ATXN10: variants seen among roughly 807,000 people sequenced by gnomAD.
ATXN10 encodes the protein ataxin 10.
Under a neutral mutation model 52.9 loss-of-function variants are expected in ATXN10, and 28 were observed. The ratio of observed to expected loss-of-function variants is 0.53; its 90% CI spans 0.39 to 0.73. The LOEUF (loss-of-function observed/expected upper bound fraction) is 0.73, where lower values mean the gene tolerates loss of function less well. Ranked by LOEUF, ATXN10 falls within the 30% of genes least tolerant of loss-of-function variation. The probability of loss-of-function intolerance (pLI) is 0.00; values close to 1 mark genes in which losing one functional copy is unlikely to be tolerated. For synonymous variants in ATXN10, 226 were observed against 221.5 expected (o/e 1.02, Z -0.18); for missense variants, 565 against 577.0 (o/e 0.98, Z 0.21).
At position 45,690,973 on chromosome 22, in the gene ATXN10, A is replaced by G. The variant is rs1388501391; in HGVS notation, c.308+1070A>G. ...GTAAGCTTGGGCTGGTCCAGAAGCC[A>G]CTTGAGGGACTCCCTTCGGTTAGAC... On this transcript the variant is annotated intron_variant, in intron 2 of 11. Transcript: ENST00000252934. The surrounding 1 kb of genome is among the most constrained non-coding windows in gnomAD (Gnocchi z 4.5). 6.6e-6 allele frequency among the ~76,000 whole-genome samples: 1 copy of G among 152,158 alleles called. No individual in the cohort carries two copies. The highest frequency in any genetic ancestry group is 2.1e-4 in the South Asian group (1 of 4,824).
chr22:45,800,720 A>G (rs1420337460), intron 9 of ATXN10, among the ~76,000 whole-genome samples: 1 of 152,254 alleles, frequency 6.6e-6, no homozygotes, highest in African/African-American at 2.4e-5. Flanking sequence ...TGGATAAATA[A>G]ATGGTAGTAT....
In ATXN10 at chr22:45,843,681, A is replaced by G; in HGVS notation, c.*10A>G. The G allele has an allele frequency of 1.2e-6, 2 of 1,611,666 alleles. No homozygotes were observed. Among genetic ancestry groups the G allele is most frequent in the South Asian group, 2.2e-5 (2 of 90,806 alleles). ...TCTTCTTCTTTAGTGAATGAACTACATCCAAATACCTGAATTTTTGGAATC... is the reference window on the plus strand; with the variant it reads ...TCTTCTTCTTTAGTGAATGAACTACGTCCAAATACCTGAATTTTTGGAATC... On this transcript the variant is annotated 3_prime_UTR_variant, in exon 12 of 12. Transcript: ENST00000252934. The surrounding 1 kb of genome is among the most constrained non-coding windows in gnomAD (Gnocchi z 4.5).
chr22:45,700,478 T>A, intron 4 of ATXN10, 100 bp downstream of exon 4: 1 of 931,172 alleles, frequency 1.1e-6, no homozygotes, highest in South Asian at 1.4e-5. Context: ...TAACCCACTG[T>A]AATAGAGTTC....
At chr22:45,726,237 G>A (rs999237158) in intron 6 of ATXN10, among the ~76,000 whole-genome samples, 1 of 152,090 alleles carries the variant, frequency 6.6e-6, no homozygotes, top group African/African-American at 2.4e-5. Flanking sequence ...CAGTATGATT[G>A]GTGCCAATTC....
intron 9 of ATXN10, among the ~76,000 whole-genome samples, chr22:45,785,842 GTCC>G (rs940455699): frequency 1.3e-5 from 2 of 152,224 alleles, no homozygotes; most frequent in Admixed American, 1.3e-4. Flanking sequence ...TCTGAGCCAC[GTCC>G]TCCTGGACCA....
chr22:45,779,030 G>C (rs1044309238), intron 9 of ATXN10, among the ~76,000 whole-genome samples: 4 of 152,098 alleles, frequency 2.6e-5, no homozygotes, highest in African/African-American at 9.7e-5. Flanking sequence ...GTAAAGTAAG[G>C]AGACTGGACT....
rs1162893278 is a variant in ATXN10, at chr22:45,718,986, T to G, written c.728+493T>G. On this transcript the variant is annotated intron_variant, in intron 6 of 11. Transcript: ENST00000252934. The surrounding 1 kb of genome is among the most constrained non-coding windows in gnomAD (Gnocchi z 4.4). The stretch of plus-strand genomic sequence containing the variant: ...CCTAGGAGTTCTAAGACACTGGCCC[T>G]GTGCTTTGCTGTGATTATAGTTCTT... 6.6e-5 allele frequency among the ~76,000 whole-genome samples: 10 copies of G among 152,004 alleles called. No homozygotes were observed. The highest frequency in any genetic ancestry group is 1.5e-4 in the Non-Finnish European group (10 of 67,978).
intron 9 of ATXN10, among the ~76,000 whole-genome samples, chr22:45,803,156 C>T (rs1927983669): frequency 6.6e-6 from 1 of 152,200 alleles, no homozygotes; most frequent in Admixed American, 6.5e-5. Flanking sequence ...CTATCATCCC[C>T]ATTTTACAGA....
rs1352487977 is a variant in ATXN10 at position 45,769,963 on chromosome 22, A to G, written c.1173+29425A>G. Among the ~76,000 whole-genome samples the G allele has an allele frequency of 1.3e-5, 2 of 152,242 alleles. No individual in the cohort carries two copies. Among genetic ancestry groups the G allele is most frequent in the African/African-American group, 4.8e-5 (2 of 41,458 alleles). On this transcript the variant is annotated intron_variant, in intron 9 of 11. Transcript: ENST00000252934. The surrounding 1 kb of genome is among the most constrained non-coding windows in gnomAD (Gnocchi z 4.2). Reference sequence around the variant, plus strand: ...TTTGTCACTCTATAAATACAGTTCTAAATAAAGGTTCTCAGATGCAGTTTC... The same window carrying G: ...TTTGTCACTCTATAAATACAGTTCTGAATAAAGGTTCTCAGATGCAGTTTC...
At position 45,818,103 on chromosome 22, in the gene ATXN10, T is replaced by TA. The variant is rs1247521126; in HGVS notation, c.1237+11084dup. On this transcript the variant is annotated intron_variant, in intron 10 of 11. Coordinates refer to ENST00000252934, the MANE Select transcript of ATXN10 (RefSeq NM_013236.4). The surrounding 1 kb of genome is among the most constrained non-coding windows in gnomAD (Gnocchi z 4.6). ...CTGTTTTAAAATGAGACTGTACAAG[T>TA]AAATATTCCAAGTTGTGCTCCTTCA... Among the ~76,000 whole-genome samples the TA allele has an allele frequency of 6.6e-6, 1 of 152,216 alleles. No individual in the cohort carries two copies. The highest frequency in any genetic ancestry group is 1.5e-5 in the Non-Finnish European group (1 of 68,032).
intron 10 of ATXN10, among the ~76,000 whole-genome samples, chr22:45,836,110 G>C (rs1268903934): frequency 6.6e-6 from 1 of 152,136 alleles, no homozygotes; most frequent in Non-Finnish European, 1.5e-5. Context: ...GGTTTGTGGT[G>C]GGTATTGAAC....
rs1926882772 is a variant in ATXN10 at position 45,774,459 on chromosome 22, A to G, written c.1174-32500A>G. On this transcript the variant is annotated intron_variant, in intron 9 of 11. Coordinates refer to ENST00000252934, the MANE Select transcript of ATXN10 (RefSeq NM_013236.4). This position sits in a 1 kb window ranked among gnomAD's most constrained non-coding sequence, Gnocchi z 6.2. ...GAAATGAAGTCTGCCTTACAGGCAG[A>G]GGGGAACTACTACTTTGATGTAAGA... 6.6e-6 allele frequency among the ~76,000 whole-genome samples: 1 copy of G among 152,228 alleles called. No homozygotes were observed. Among genetic ancestry groups the G allele is most frequent in the Non-Finnish European group, 1.5e-5 (1 of 68,038 alleles).
chr22:45,789,870 C>T lies in ATXN10; in HGVS notation c.1174-17089C>T, dbSNP rs1241422412. Among the ~76,000 whole-genome samples the T allele has an allele frequency of 6.6e-6, 1 of 152,138 alleles. No homozygotes were observed. The highest frequency in any genetic ancestry group is 1.5e-5 in the Non-Finnish European group (1 of 68,022). On this transcript the variant is annotated intron_variant, in intron 9 of 11. Transcript: ENST00000252934. This position sits in a 1 kb window ranked among gnomAD's most constrained non-coding sequence, Gnocchi z 4.0. ...GAGTGGATATTTTACCCCCAGAAGA[C>T]TCTTAAGTGGGTCAGAACAACACAT... is the stretch of plus-strand genomic sequence containing the variant.
chr22:45,761,714 A>T (rs1236134593), intron 9 of ATXN10, among the ~76,000 whole-genome samples: 1 of 152,196 alleles, frequency 6.6e-6, no homozygotes, highest in Non-Finnish European at 1.5e-5. Context: ...CCTTGTTAGC[A>T]GTTACATTAA....
At chr22:45,706,761 T>A (rs1924057318) in intron 5 of ATXN10, among the ~76,000 whole-genome samples, 2 of 147,314 alleles carry the variant, frequency 1.4e-5, no homozygotes, top group African/African-American at 2.5e-5. Context: ...TTTTTGACAT[T>A]ACCTAGGCTT....
chr22:45,686,820 A>C (rs1365504995), intron 1 of ATXN10, among the ~76,000 whole-genome samples: 1 of 7,492 alleles, frequency 1.3e-4, no homozygotes, highest in Non-Finnish European at 2.0e-4. Context: ...CTCCATCTCA[A>C]AAAAAAAAAA....
chr22:45,793,233 TAG>T (rs1393785038), intron 9 of ATXN10: 1 of 159,794 alleles, frequency 6.3e-6, no homozygotes, highest in East Asian at 1.9e-4. Flanking sequence ...AATTGTTTGC[TAG>T]AGAGCTTTGT....
At chr22:45,777,983 AGTTTT>A (rs1416684785) in intron 9 of ATXN10, among the ~76,000 whole-genome samples, 7 of 152,210 alleles carry the variant, frequency 4.6e-5, no homozygotes, top group Non-Finnish European at 4.4e-5. Flanking sequence ...TTGTAAATAA[AGTTTT>A]ATTGGGACAT....
At chr22:45,747,871 A>G (rs1003815228) in intron 9 of ATXN10, among the ~76,000 whole-genome samples, 1 of 152,156 alleles carries the variant, frequency 6.6e-6, no homozygotes, top group African/African-American at 2.4e-5. Context: ...ACTTGAGCCC[A>G]GGAGTTTGAG....
Sources: gnomAD v4.1 joint callset for allele counts (sites outside exome capture counted in the v4.1 genomes callset) on GRCh38, gnomAD v4.1.1 for gene constraint, Gnocchi (gnomAD v3.1) non-coding constraint, MANE v1.5 for transcripts, NCBI Gene and HGNC (gene_info 2026-07-23, HGNC 2026-07-21) for gene names.